AMPH: variants seen among roughly 807,000 people sequenced by gnomAD.
AMPH encodes the protein amphiphysin.
AMPH carries 49 observed loss-of-function variants against 99.1 expected under a neutral mutation model. That is an observed-to-expected ratio of 0.49 (90% CI 0.39 to 0.63). The LOEUF (loss-of-function observed/expected upper bound fraction) is 0.63, where lower values mean the gene tolerates loss of function less well. Ranked by LOEUF, AMPH falls within the 20% of genes least tolerant of loss-of-function variation. The pLI is 0.00. For missense variants in AMPH, 759 were observed against 863.4 expected (o/e 0.88, Z 1.52); for synonymous variants, 314 against 317.3 (o/e 0.99, Z 0.11).
At chr7:38,600,292 T>G (rs909581039) in intron 1 of AMPH, among the ~76,000 whole-genome samples, 8 of 152,210 alleles carry the variant, frequency 5.3e-5, no homozygotes, top group Non-Finnish European at 8.8e-5. Context: ...CTGTTTATCA[T>G]GTCACATTCC....
intron 1 of AMPH, among the ~76,000 whole-genome samples, chr7:38,598,242 G>A (rs1194819250): frequency 1.3e-5 from 2 of 151,978 alleles, no homozygotes; most frequent in Admixed American, 6.6e-5. Flanking sequence ...ACTTGTGTTC[G>A]CAATGTTTTT....
intron 2 of AMPH, among the ~76,000 whole-genome samples, chr7:38,512,911 C>T (rs888650074): frequency 6.6e-6 from 1 of 152,090 alleles, no homozygotes; most frequent in African/African-American, 2.4e-5. Flanking sequence ...ACAGCAACAC[C>T]CTACAATTCC....
At chr7:38,580,023 T>G (rs900554367) in intron 1 of AMPH, among the ~76,000 whole-genome samples, 2 of 152,182 alleles carry the variant, frequency 1.3e-5, no homozygotes, top group African/African-American at 4.8e-5. Context: ...ATCTCCAAAA[T>G]GTCCAGTCGA....
chr7:38,425,419 A>T (rs1045014627), intron 15 of AMPH, among the ~76,000 whole-genome samples: 1 of 152,252 alleles, frequency 6.6e-6, no homozygotes, highest in Non-Finnish European at 1.5e-5. Context: ...TGAATATGTG[A>T]TAAGTACCTA....
intron 1 of AMPH, among the ~76,000 whole-genome samples, chr7:38,576,676 T>C (rs561422111): frequency 1.3e-5 from 2 of 152,256 alleles, no homozygotes; most frequent in Middle Eastern, 3.4e-3. Context: ...TTTCTATTTT[T>C]ATGTTTTTTT....
At chr7:38,490,584 G>C in intron 5 of AMPH, among the ~76,000 whole-genome samples, 1 of 152,106 alleles carries the variant, frequency 6.6e-6, no homozygotes, top group Non-Finnish European at 1.5e-5. Context: ...ATTTCAGTGA[G>C]AGAAAAACTA....
At chr7:38,431,826 T>C (rs988307591) in intron 13 of AMPH, among the ~76,000 whole-genome samples, 2 of 152,128 alleles carry the variant, frequency 1.3e-5, no homozygotes, top group Non-Finnish European at 2.9e-5. Flanking sequence ...AAGTAGCCCA[T>C]CTCTTCCATT....
chr7:38,612,091 T>A, intron 1 of AMPH, among the ~76,000 whole-genome samples: 1 of 128,538 alleles, frequency 7.8e-6, no homozygotes, highest in South Asian at 2.5e-4. Context: ...CTTCTTCTTT[T>A]TTTTTTTTTT....
chr7:38,598,612 A>G (rs1009810331), intron 1 of AMPH, among the ~76,000 whole-genome samples: 2 of 152,162 alleles, frequency 1.3e-5, no homozygotes, highest in African/African-American at 4.8e-5. Flanking sequence ...CTTACAACAC[A>G]AGGTCTACTT....
intron 7 of AMPH, among the ~76,000 whole-genome samples, chr7:38,474,325 G>A (rs1280375036): frequency 2.0e-5 from 3 of 152,118 alleles, no homozygotes; most frequent in Non-Finnish European, 4.4e-5. Flanking sequence ...AGTAAATTCA[G>A]ATGAACAATG....
At chr7:38,478,858 C>A (rs920739737) in intron 5 of AMPH, among the ~76,000 whole-genome samples, 12 of 151,688 alleles carry the variant, frequency 7.9e-5, no homozygotes, top group African/African-American at 2.4e-5. Flanking sequence ...TTACTAAACT[C>A]GAAAAAGCTG....
chr7:38,394,298 C>T, intron 17 of AMPH, 84 bp from the exon 18 acceptor site: 5 of 1,402,228 alleles, frequency 3.6e-6, no homozygotes, highest in Admixed American at 1.8e-5. Flanking sequence ...TCTAATCTCC[C>T]CTCTGTGGAG....
chr7:38,596,435 G>C (rs914577172), intron 1 of AMPH, among the ~76,000 whole-genome samples: 4 of 152,172 alleles, frequency 2.6e-5, no homozygotes, highest in Admixed American at 2.0e-4. Context: ...ATAGGCAGTA[G>C]AGGGTAAAAG....
chr7:38,505,494 C>G (rs767782081), intron 2 of AMPH, among the ~76,000 whole-genome samples: 6 of 152,068 alleles, frequency 3.9e-5, no homozygotes. Flanking sequence ...CAATTGACTC[C>G]CTTTCTAGTG....
At chr7:38,593,144 T>C in intron 1 of AMPH, among the ~76,000 whole-genome samples, 1 of 152,214 alleles carries the variant, frequency 6.6e-6, no homozygotes, top group East Asian at 1.9e-4. Flanking sequence ...AATAAATATG[T>C]TGGCTACATG....
At chr7:38,418,080 G>C in intron 16 of AMPH, 130 bp from the exon 17 acceptor site, 1 of 1,067,032 alleles carries the variant, frequency 9.4e-7, no homozygotes, top group Non-Finnish European at 1.3e-6. Flanking sequence ...ATCCGTGCTG[G>C]AGAAAAGCCC....
intron 2 of AMPH, among the ~76,000 whole-genome samples, chr7:38,518,989 A>G (rs1789853525): frequency 6.6e-6 from 1 of 152,210 alleles, no homozygotes; most frequent in African/African-American, 2.4e-5. Flanking sequence ...TCATAAATGG[A>G]TTAATGCCAT....
rs940822538 is a variant in AMPH, at chr7:38,576,923, G to A, written c.70-41912C>T. Among the ~76,000 whole-genome samples, 13 of 152,046 alleles carry A rather than the reference G, an allele frequency of 8.6e-5. 1 individual carries two copies. The highest frequency in any genetic ancestry group is 3.3e-4 in the Admixed American group (5 of 15,264). On this transcript the variant is annotated intron_variant, in intron 1 of 20. Coordinates refer to ENST00000356264, the MANE Select transcript of AMPH (RefSeq NM_001635.4). ...AGGAAATGATAATATCTACCTGGCCGGGCTGTTCCGAGAAACCAAATGAAA... is the reference window on the plus strand; with the variant it reads ...AGGAAATGATAATATCTACCTGGCCAGGCTGTTCCGAGAAACCAAATGAAA...
At chr7:38,469,308 A>G (rs1787790705) in intron 7 of AMPH, among the ~76,000 whole-genome samples, 1 of 152,294 alleles carries the variant, frequency 6.6e-6, no homozygotes, top group African/African-American at 2.4e-5. Flanking sequence ...TGGCATCCTC[A>G]GGACACTTCT....
Sources: gnomAD v4.1 joint callset for allele counts (sites outside exome capture counted in the v4.1 genomes callset) on GRCh38, gnomAD v4.1.1 for gene constraint, MANE v1.5 for transcripts, NCBI Gene and HGNC (gene_info 2026-07-23, HGNC 2026-07-21) for gene names.